The following DRD3 variants were observed in gnomAD, a reference collection of about 807,000 sequenced individuals.
DRD3 encodes D(3) dopamine receptor.
A neutral mutation model predicts 36.3 loss-of-function variants in DRD3; 19 were observed. That is an observed-to-expected ratio of 0.52 (90% CI 0.36 to 0.77). The LOEUF (loss-of-function observed/expected upper bound fraction) is 0.77, where lower values mean the gene tolerates loss of function less well. Among genes scored for constraint, DRD3 ranks in the 30% least tolerant of loss-of-function variants. The pLI is 0.00. For synonymous variants in DRD3, 195 were observed against 203.7 expected, an observed-to-expected ratio of 0.96 and a Z score of 0.36; for missense variants, 465 against 505.3, an observed-to-expected ratio of 0.92 and a Z score of 0.77.
In DRD3 at chr3:114,171,818, C is replaced by A; in HGVS notation, c.175G>T (p.Ala59Ser). Reference protein sequence around the residue: ...LVCMAVLKERALQTTTNYLVV... With the variant: ...LVCMAVLKERSLQTTTNYLVV... ...AAGTAGTTGGTGGTAGTCTGCAGGGCCCGCTCCTTCAGCACAGCCATGCAC... is the reference window on the plus strand; with the variant it reads ...AAGTAGTTGGTGGTAGTCTGCAGGGACCGCTCCTTCAGCACAGCCATGCAC... The change falls in exon 2 of 7, where the codon GCC (alanine) becomes TCC (serine). Residue 59 changes from alanine to serine, a missense_variant. By Grantham distance (99) the Ala-to-Ser change is moderately conservative. Transcript: ENST00000383673. 2 of 1,614,110 alleles carry A rather than the reference C, an allele frequency of 1.2e-6. No individual in the cohort carries two copies. The highest frequency in any genetic ancestry group is 4.5e-5 in the East Asian group (2 of 44,882).
At position 114,190,410 on chromosome 3, in the gene DRD3, TAATATATATATATATATATATA is replaced by T. The variant is rs1443382108; in HGVS notation, c.-156+8841_-156+8862del. 2.4e-4 allele frequency among the ~76,000 whole-genome samples: 14 copies of T among 58,188 alleles called. No individual in the cohort carries two copies. The South Asian group carries it at 9.2e-3, about 38-fold the overall frequency. The allele number at this position is 58,188 out of a possible 152,430, so 38.2% of individuals were successfully genotyped here. A position where few individuals can be genotyped will look rare whatever the true frequency, so the allele number is the denominator to read the frequency against. On this transcript the variant is annotated intron_variant, in intron 1 of 7. Transcript: ENST00000460779. ...AATGCATCCTAGAGAGGAAAAAGGA[TAATATATATATATATATATATA>T]TATATATATATATATATATATATAT...
chr3:114,171,918 C>G lies in DRD3; in HGVS notation c.75G>C (p.Gln25His), dbSNP rs1411810323. The G allele has an allele frequency of 6.2e-7, 1 of 1,605,410 alleles. No homozygotes were observed. Among genetic ancestry groups the G allele is most frequent in the Non-Finnish European group, 8.5e-7 (1 of 1,175,454 alleles). ...GGGCATAGTAGGCATGTGGGCGGGC[C>G]TGGCTGGCACCTGTGGAGTTCTCTG... ...CGAENSTGAS[Q>H]ARPHAYYALS... Residue 25 changes from glutamine (Q) to histidine (H), a missense_variant, in exon 2 of 7, where the codon CAG becomes CAC. Transcript: ENST00000383673.
rs118110474 is a variant in DRD3 at position 114,135,109 on chromosome 3, C to G, written c.724-3709G>C. Among the ~76,000 whole-genome samples the G allele has an allele frequency of 6.1e-3, 925 of 152,250 alleles. 25 individuals carry two copies. Among genetic ancestry groups the G allele is most frequent in the East Asian group, 0.034 (175 of 5,182 alleles). On this transcript the variant is annotated intron_variant, in intron 5 of 6. Transcript: ENST00000383673. ...CATCTCCTTCCTAGCCTCTGGTAAC[C>G]ATGAACCTACTCTCTATTTTCACGA...
At chr3:114,133,280 T>G (rs912243520) in intron 5 of DRD3, among the ~76,000 whole-genome samples, 4 of 152,214 alleles carry the variant, frequency 2.6e-5, no homozygotes, top group Non-Finnish European at 5.9e-5. Context: ...TGAGCCACCG[T>G]GCCTGGCCAA....
intron 6 of DRD3, among the ~76,000 whole-genome samples, chr3:114,130,876 T>C (rs1310548845): frequency 6.6e-6 from 1 of 152,250 alleles, no homozygotes; most frequent in Admixed American, 6.5e-5. Context: ...GTTTGATTTA[T>C]GTGTTGTAGC....
At chr3:114,159,903 C>T (rs201249206) in intron 2 of DRD3, 36 bp from the exon 3 acceptor site, 2 of 1,595,266 alleles carry the variant, frequency 1.3e-6, no homozygotes, top group East Asian at 2.2e-5. Context: ...GTGTTTACCC[C>T]AGTGAAGGAA....
chr3:114,156,016 A>G (rs1478174391), intron 3 of DRD3, among the ~76,000 whole-genome samples: 1 of 152,174 alleles, frequency 6.6e-6, no homozygotes, highest in Non-Finnish European at 1.5e-5. Flanking sequence ...TCTGCCATTT[A>G]TTGAGAATTT....
At chr3:114,145,015 A>T (rs1484719911) in intron 4 of DRD3, among the ~76,000 whole-genome samples, 2 of 152,160 alleles carry the variant, frequency 1.3e-5, no homozygotes, top group Non-Finnish European at 2.9e-5. Flanking sequence ...CCGAGAACTC[A>T]GTCTAATGTC....
At chr3:114,142,966 C>T (rs927627638) in intron 4 of DRD3, among the ~76,000 whole-genome samples, 5 of 152,220 alleles carry the variant, frequency 3.3e-5, no homozygotes, top group African/African-American at 1.2e-4. Context: ...CCCCAGCCCC[C>T]AGCAGGCCTG....
rs1324106854 is a variant in DRD3, at chr3:114,127,876, C to T, written c.*840G>A. Among the ~76,000 whole-genome samples the T allele has an allele frequency of 2.0e-5, 3 of 152,056 alleles. No individual in the cohort carries two copies. Among genetic ancestry groups the T allele is most frequent in the Non-Finnish European group, 2.9e-5 (2 of 68,020 alleles). ...CCCTGTTAAGCAGAAATGGAGATGC[C>T]CTGGGTAGGAAAATTTGGTAGTGTT... On this transcript the variant is annotated 3_prime_UTR_variant, in exon 7 of 7. Transcript: ENST00000383673.
chr3:114,164,279 C>T (rs2077762588), intron 2 of DRD3, among the ~76,000 whole-genome samples: 2 of 131,342 alleles, frequency 1.5e-5, no homozygotes, highest in South Asian at 5.4e-4. Context: ...TGACTTGAGG[C>T]TTTTTAGAGA....
chr3:114,164,225 A>AAAAAAAAAC, intron 2 of DRD3, among the ~76,000 whole-genome samples: 1 of 138,426 alleles, frequency 7.2e-6, no homozygotes, highest in Non-Finnish European at 1.5e-5. Flanking sequence ...AGTCTCAAAA[A>AAAAAAAAAC]AAAAAAAAAA....
chr3:114,181,981 A>C (rs2077950751), upstream of DRD3, among the ~76,000 whole-genome samples: 1 of 152,184 alleles, frequency 6.6e-6, no homozygotes, highest in South Asian at 2.1e-4. Context: ...GAATAAAGGA[A>C]CATTTTGTTT....
At chr3:114,173,066 A>G (rs717668) in intron 1 of DRD3, among the ~76,000 whole-genome samples, 77,563 of 151,684 alleles carry the variant, frequency 0.51, 23,186 homozygotes, top group East Asian at 0.68. Flanking sequence ...GGTTATGAGG[A>G]CAGAGCCCTC....
chr3:114,152,290 A>C (rs995919869), intron 3 of DRD3, among the ~76,000 whole-genome samples: 15 of 152,098 alleles, frequency 9.9e-5, no homozygotes, highest in Admixed American at 5.2e-4. Context: ...CCAAAAGTCC[A>C]TTGTATCATT....
chr3:114,129,268 G>A (rs1257750852), intron 6 of DRD3, among the ~76,000 whole-genome samples: 3 of 151,964 alleles, frequency 2.0e-5, no homozygotes, highest in African/African-American at 2.4e-5. Flanking sequence ...GCTTGAGCCC[G>A]GGAGGCAGAG....
At chr3:114,128,970 A>G in intron 6 of DRD3, 58 bp from the exon 7 acceptor site, 1 of 1,471,328 alleles carries the variant, frequency 6.8e-7, no homozygotes, top group Non-Finnish European at 9.1e-7. Context: ...CTTTTGTTAT[A>G]ACATGAGAAT....
At chr3:114,156,715 GTCTTTCTTTCTTTCTTTCTT>G (rs1328717527) in intron 3 of DRD3, among the ~76,000 whole-genome samples, 7 of 80,284 alleles carry the variant, frequency 8.7e-5, no homozygotes, top group African/African-American at 3.5e-4. Flanking sequence ...TGGCTTGCCT[GTCTTTCTTTCTTTCTTTCTT>G]TCTTTCTTTT....
At chr3:114,184,161 A>C (rs1444692847) in intron 1 of DRD3, among the ~76,000 whole-genome samples, 1 of 151,956 alleles carries the variant, frequency 6.6e-6, no homozygotes, top group Non-Finnish European at 1.5e-5. Flanking sequence ...TGCAGTGGAG[A>C]TTACATTTAA....
Sources: allele counts gnomAD v4.1 joint callset (sites outside exome capture counted in the v4.1 genomes callset), GRCh38; gene constraint gnomAD v4.1.1; transcripts MANE v1.5; gene names NCBI Gene and HGNC (gene_info 2026-07-23, HGNC 2026-07-21).